TNRC6B: variants seen among roughly 807,000 people sequenced by gnomAD.
TNRC6B encodes the protein trinucleotide repeat containing adaptor 6B.
A neutral mutation model predicts 203.6 loss-of-function variants in TNRC6B; 52 were observed. The observed-to-expected ratio is 0.26, with a 90% CI of 0.20 to 0.32. The LOEUF (loss-of-function observed/expected upper bound fraction) is 0.32, where lower values mean the gene tolerates loss of function less well. Among genes scored for constraint, TNRC6B ranks in the 10% least tolerant of loss-of-function variants. The pLI, the probability that TNRC6B is intolerant of heterozygous loss-of-function variation, is 1.00. For synonymous variants in TNRC6B, 838 were observed against 845.7 expected (o/e 0.99, Z 0.16); for missense variants, 1,923 against 2,286.2 (o/e 0.84, Z 3.24).
chr22:40,165,406 A>T (rs1229466408), intron 4 of TNRC6B, among the ~76,000 whole-genome samples: 1 of 151,796 alleles, frequency 6.6e-6, no homozygotes, highest in Non-Finnish European at 1.5e-5. Context: ...GAACTCCTGG[A>T]CTCAAGCAGT....
intron 17 of TNRC6B, 71 bp downstream of exon 17, chr22:40,311,064 A>G: frequency 2.7e-6 from 4 of 1,467,980 alleles, no homozygotes; most frequent in Non-Finnish European, 2.8e-6. Context: ...TTCAGAATAC[A>G]TTGCTTTTGT....
At chr22:40,153,301 C>T (rs909454945) in intron 3 of TNRC6B, among the ~76,000 whole-genome samples, 1 of 152,006 alleles carries the variant, frequency 6.6e-6, no homozygotes, top group African/African-American at 2.4e-5. Context: ...GATGCTCCAG[C>T]TTAGGAGAAA....
At chr22:40,046,997 A>G (rs2067694671) in intron 1 of TNRC6B, among the ~76,000 whole-genome samples, 2 of 152,088 alleles carry the variant, frequency 1.3e-5, no homozygotes, top group African/African-American at 4.8e-5. Flanking sequence ...GGCAGTAATA[A>G]TATTAGCTAA....
At chr22:40,286,354 A>C (rs948219242) in intron 12 of TNRC6B, among the ~76,000 whole-genome samples, 4 of 152,194 alleles carry the variant, frequency 2.6e-5, no homozygotes, top group African/African-American at 9.7e-5. Flanking sequence ...GAACAAAACA[A>C]AAATTAGCTG....
intron 1 of TNRC6B, among the ~76,000 whole-genome samples, chr22:40,191,117 CTTAA>C (rs1299248788): frequency 6.6e-6 from 1 of 152,048 alleles, no homozygotes; most frequent in Non-Finnish European, 1.5e-5. Flanking sequence ...TGAGCTGGGT[CTTAA>C]TGGGCAGATG....
At chr22:40,078,407 C>T (rs1407452876) in intron 1 of TNRC6B, among the ~76,000 whole-genome samples, 1 of 151,964 alleles carries the variant, frequency 6.6e-6, no homozygotes, top group Non-Finnish European at 1.5e-5. Context: ...GCCTGTAGTC[C>T]CAGCTACTTG....
At position 40,333,260 on chromosome 22, in the gene TNRC6B, C is replaced by A. The variant is rs988312905; in HGVS notation, c.*10019C>A. 2.6e-5 allele frequency: 4 copies of A among 152,322 alleles called. No homozygotes were observed. The highest frequency in any genetic ancestry group is 7.2e-5 in the African/African-American group (3 of 41,440). The allele number at this position is 152,322 out of a possible 1,614,324, so 9.4% of individuals were successfully genotyped here. ...GCTAAGGCAGGAGAATTGCTTGAACCCGGGAGACGGAGGTTGCGGTGAGCC... is the reference window on the plus strand; with the variant it reads ...GCTAAGGCAGGAGAATTGCTTGAACACGGGAGACGGAGGTTGCGGTGAGCC... On this transcript the variant is annotated 3_prime_UTR_variant, in exon 23 of 23. Coordinates refer to ENST00000454349, the MANE Select transcript of TNRC6B (RefSeq NM_001162501.2).
At chr22:40,207,434 T>C (rs1237029456) in intron 1 of TNRC6B, among the ~76,000 whole-genome samples, 1 of 145,164 alleles carries the variant, frequency 6.9e-6, no homozygotes, top group African/African-American at 2.5e-5. Context: ...TATATATATA[T>C]ATATATATAT....
chr22:40,260,094 G>C (rs534017706), intron 3 of TNRC6B, among the ~76,000 whole-genome samples: 7 of 152,162 alleles, frequency 4.6e-5, no homozygotes, highest in African/African-American at 1.7e-4. Context: ...CCCACGCTGT[G>C]TGCGGGCCAT....
At chr22:40,270,914 G>A (rs2070553787) in intron 6 of TNRC6B, among the ~76,000 whole-genome samples, 1 of 152,134 alleles carries the variant, frequency 6.6e-6, no homozygotes, top group Non-Finnish European at 1.5e-5. Flanking sequence ...ATTTCTACTT[G>A]TTAGTATAAT....
chr22:40,082,090 G>A (rs1179417939), intron 1 of TNRC6B, among the ~76,000 whole-genome samples: 2 of 152,024 alleles, frequency 1.3e-5, no homozygotes, highest in Admixed American at 6.6e-5. Context: ...CAGTAGAGCC[G>A]GGGAAGTAGT....
At chr22:40,189,790 C>A (rs761872448) in intron 1 of TNRC6B, among the ~76,000 whole-genome samples, 5 of 152,066 alleles carry the variant, frequency 3.3e-5, no homozygotes, top group Admixed American at 1.3e-4. Flanking sequence ...TCCCAGACTT[C>A]GGTTTCAGGG....
At chr22:40,094,215 G>T (rs964723932) in intron 1 of TNRC6B, among the ~76,000 whole-genome samples, 4 of 152,148 alleles carry the variant, frequency 2.6e-5, no homozygotes, top group Non-Finnish European at 5.9e-5. Context: ...TACGCATCTA[G>T]TAAATGTTAG....
chr22:40,121,288 A>C (rs1047781824), intron 2 of TNRC6B, among the ~76,000 whole-genome samples: 4 of 148,228 alleles, frequency 2.7e-5, no homozygotes, highest in Non-Finnish European at 4.5e-5. Flanking sequence ...CTTAATTTTC[A>C]TTTTCCTTTT....
chr22:40,172,859 T>G (rs2069015544), intron 4 of TNRC6B, among the ~76,000 whole-genome samples: 1 of 152,182 alleles, frequency 6.6e-6, no homozygotes, highest in Admixed American at 6.5e-5. Context: ...GGGTTGTTGT[T>G]CCCCTAATTT....
chr22:40,204,724 C>A (rs1228049757), intron 1 of TNRC6B, among the ~76,000 whole-genome samples: 1 of 152,212 alleles, frequency 6.6e-6, no homozygotes, highest in Non-Finnish European at 1.5e-5. Context: ...GAGCTGCCTG[C>A]GGCTACTAAG....
At chr22:40,149,426 C>G (rs1269274170) in intron 3 of TNRC6B, among the ~76,000 whole-genome samples, 1 of 151,982 alleles carries the variant, frequency 6.6e-6, no homozygotes, top group Non-Finnish European at 1.5e-5. Flanking sequence ...CCCAGCACTT[C>G]GGGAGGCCAA....
intron 3 of TNRC6B, among the ~76,000 whole-genome samples, chr22:40,136,827 A>C (rs1365242484): frequency 6.6e-6 from 1 of 152,220 alleles, no homozygotes; most frequent in Non-Finnish European, 1.5e-5. Flanking sequence ...TATTTACTGA[A>C]TCAGGAAGCT....
intron 11 of TNRC6B, among the ~76,000 whole-genome samples, chr22:40,284,415 T>A (rs2070757215): frequency 6.6e-6 from 1 of 152,218 alleles, no homozygotes; most frequent in Non-Finnish European, 1.5e-5. Context: ...ATTCCAGGGT[T>A]ATGATAATGG....
Sources: gnomAD v4.1 joint callset for allele counts (sites outside exome capture counted in the v4.1 genomes callset) on GRCh38, gnomAD v4.1.1 for gene constraint, MANE v1.5 for transcripts, NCBI Gene and HGNC (gene_info 2026-07-23, HGNC 2026-07-21) for gene names.